Variants in ANKS1B observed in about 807,000 individuals in gnomAD.
ANKS1B encodes the protein ankyrin repeat and sterile alpha motif domain containing 1B, also known as ankyrin repeat and sterile alpha motif domain-containing protein 1B.
A neutral mutation model predicts 148.3 loss-of-function variants in ANKS1B; 36 were observed. The ratio of observed to expected loss-of-function variants is 0.24; its 90% confidence interval spans 0.19 to 0.32. The LOEUF is 0.32. Ranked by LOEUF, ANKS1B falls within the 10% of genes least tolerant of loss-of-function variation. ANKS1B has a pLI of 1.00. For missense variants in ANKS1B, 1,157 were observed against 1,542.6 expected (o/e 0.75, Z 4.19); for synonymous variants, 542 against 560.8 (o/e 0.97, Z 0.47).
At chr12:99,017,421 T>C (rs944389056) in intron 17 of ANKS1B, among the ~76,000 whole-genome samples, 4 of 150,752 alleles carry the variant, frequency 2.7e-5, no homozygotes, top group African/African-American at 9.8e-5. Flanking sequence ...TGACCAGAGG[T>C]CACAAGATTT....
At chr12:99,018,031 A>G (rs543450446) in intron 17 of ANKS1B, among the ~76,000 whole-genome samples, 1 of 152,320 alleles carries the variant, frequency 6.6e-6, no homozygotes, top group South Asian at 2.1e-4. Flanking sequence ...TTTCCTGGAC[A>G]TGCCCTCAAG....
At chr12:99,206,080 C>G (rs143607046) in intron 14 of ANKS1B, among the ~76,000 whole-genome samples, 52 of 152,154 alleles carry the variant, frequency 3.4e-4, no homozygotes, top group African/African-American at 1.1e-3. Context: ...AAAGGATAAG[C>G]TGCATGTAAA....
At chr12:99,400,994 T>TA (rs1017294960) in intron 11 of ANKS1B, among the ~76,000 whole-genome samples, 1 of 145,470 alleles carries the variant, frequency 6.9e-6, no homozygotes. Context: ...ATAGGGTTTT[T>TA]AAAAAAATAT....
intron 17 of ANKS1B, among the ~76,000 whole-genome samples, chr12:98,940,964 A>G (rs184010767): frequency 2.1e-3 from 322 of 152,296 alleles, no homozygotes; most frequent in Non-Finnish European, 3.4e-3. Flanking sequence ...TCTTTTTTTG[A>G]CATAAAGAAA....
At chr12:99,501,304 G>C (rs2096653209) in intron 10 of ANKS1B, among the ~76,000 whole-genome samples, 2 of 151,984 alleles carry the variant, frequency 1.3e-5, no homozygotes, top group South Asian at 4.1e-4. Flanking sequence ...TTAATTATTA[G>C]AAACTGTTAA....
At chr12:99,446,215 A>T (rs1407253089) in intron 10 of ANKS1B, among the ~76,000 whole-genome samples, 1 of 151,988 alleles carries the variant, frequency 6.6e-6, no homozygotes, top group African/African-American at 2.4e-5. Flanking sequence ...CTGGAACAAA[A>T]CATTAGATAT....
In ANKS1B at chr12:99,802,627, T is replaced by C. The variant is rs144669955; in HGVS notation, c.669+3777A>G. ...CATCAATGCTGCATTTAAAAACATA[T>C]GTAGGTCAGGTGCAGTGGTTCAAAT... On this transcript the variant is annotated intron_variant, in intron 4 of 26. Transcript: ENST00000683438. Among the ~76,000 whole-genome samples, 49 of 152,186 alleles carry C rather than the reference T, an allele frequency of 3.2e-4. No individual in the cohort carries two copies. In the East Asian group the frequency reaches 9.1e-3, roughly 28 times the overall value.
chr12:99,569,388 C>T (rs1037518754), intron 9 of ANKS1B, among the ~76,000 whole-genome samples: 5 of 152,150 alleles, frequency 3.3e-5, no homozygotes, highest in Non-Finnish European at 7.3e-5. Flanking sequence ...GGACAAGCTA[C>T]CTAAACTCTC....
intron 14 of ANKS1B, among the ~76,000 whole-genome samples, chr12:99,173,916 G>A (rs2078078007): frequency 6.6e-6 from 1 of 152,138 alleles, no homozygotes; most frequent in Admixed American, 6.6e-5. Flanking sequence ...TGGCTTCTGA[G>A]ATGGCTGCAT....
rs528527008 is a variant in ANKS1B, at chr12:98,924,802, A to C, written c.2779-92666T>G. Among the ~76,000 whole-genome samples the C allele has an allele frequency of 2.0e-5, 3 of 152,316 alleles. No individual in the cohort carries two copies. In the East Asian group the frequency reaches 5.8e-4, roughly 29 times the overall value. On this transcript the variant is annotated intron_variant, in intron 17 of 26. Coordinates refer to ENST00000683438, the MANE Select transcript of ANKS1B (RefSeq NM_001352186.2). ...TTAATCAATTCACTAAATAGTCTTCATCATACAGAGAAATTATTCCTTCTA... is the reference window on the plus strand; with the variant it reads ...TTAATCAATTCACTAAATAGTCTTCCTCATACAGAGAAATTATTCCTTCTA...
At chr12:99,390,809 T>C (rs924808183) in intron 12 of ANKS1B, among the ~76,000 whole-genome samples, 33 of 152,210 alleles carry the variant, frequency 2.2e-4, no homozygotes, top group African/African-American at 7.7e-4. Flanking sequence ...AGCAGGCAGC[T>C]GGTCTGAAAG....
chr12:99,642,044 G>A (rs1352147844), intron 9 of ANKS1B, among the ~76,000 whole-genome samples: 6 of 152,104 alleles, frequency 3.9e-5, no homozygotes, highest in Non-Finnish European at 8.8e-5. Flanking sequence ...AATGTGGTAG[G>A]TACTCAATAA....
At chr12:99,185,297 A>C (rs2079671849) in intron 14 of ANKS1B, among the ~76,000 whole-genome samples, 1 of 152,254 alleles carries the variant, frequency 6.6e-6, no homozygotes, top group Non-Finnish European at 1.5e-5. Context: ...TCAAAGGAAT[A>C]AAATAAACTG....
At chr12:98,909,436 G>C (rs2152828979) in intron 17 of ANKS1B, among the ~76,000 whole-genome samples, 1 of 152,346 alleles carries the variant, frequency 6.6e-6, no homozygotes, top group South Asian at 2.1e-4. Context: ...CACACAGCTA[G>C]TAAGCAGCAA....
chr12:99,410,477 G>A (rs1353006085), intron 11 of ANKS1B, among the ~76,000 whole-genome samples: 1 of 152,118 alleles, frequency 6.6e-6, no homozygotes, highest in Non-Finnish European at 1.5e-5. Context: ...AGACCATCCC[G>A]GCTAACACGG....
intron 12 of ANKS1B, among the ~76,000 whole-genome samples, chr12:99,282,682 T>C (rs561927601): frequency 1.6e-4 from 25 of 152,010 alleles, no homozygotes; most frequent in Non-Finnish European, 1.9e-4. Flanking sequence ...GGATGTGCCA[T>C]ATCAAAAAAA....
At chr12:98,928,253 C>T (rs531897720) in intron 17 of ANKS1B, among the ~76,000 whole-genome samples, 8 of 150,868 alleles carry the variant, frequency 5.3e-5, no homozygotes, top group African/African-American at 1.9e-4. Context: ...ATTCAAAAAT[C>T]TTAATATAAC....
chr12:99,117,099 G>A (rs1022842066), intron 15 of ANKS1B, among the ~76,000 whole-genome samples: 3 of 152,106 alleles, frequency 2.0e-5, no homozygotes, highest in African/African-American at 7.2e-5. Context: ...AGAGATTTTG[G>A]GCTGAGATGA....
At chr12:99,556,277 G>C (rs1281474229) in intron 9 of ANKS1B, among the ~76,000 whole-genome samples, 1 of 152,068 alleles carries the variant, frequency 6.6e-6, no homozygotes, top group Non-Finnish European at 1.5e-5. Flanking sequence ...CAGTAGTAAT[G>C]TTCCCTTTGT....
Sources: gnomAD v4.1 joint callset for allele counts (sites outside exome capture counted in the v4.1 genomes callset) on GRCh38, gnomAD v4.1.1 for gene constraint, MANE v1.5 for transcripts, NCBI Gene and HGNC (gene_info 2026-07-23, HGNC 2026-07-21) for gene names.